Variants in NRXN3 observed in about 807,000 individuals in gnomAD.
NRXN3 encodes neurexin III.
In NRXN3, 32 loss-of-function variants were observed where a neutral mutation model predicts 137.6. The ratio of observed to expected loss-of-function variants is 0.23; its 90% CI spans 0.18 to 0.31. NRXN3 has a LOEUF of 0.31. Ranked by LOEUF, NRXN3 falls within the 10% of genes least tolerant of loss-of-function variation. The pLI is 1.00. For synonymous variants in NRXN3, 798 were observed against 784.5 expected (o/e 1.02, Z -0.29); for missense variants, 1,574 against 2,062.5 (o/e 0.76, Z 4.59).
At chr14:78,546,026 A>G (rs2096633733) in intron 4 of NRXN3, among the ~76,000 whole-genome samples, 1 of 152,194 alleles carries the variant, frequency 6.6e-6, no homozygotes, top group Admixed American at 6.5e-5. Flanking sequence ...ACCATGCACA[A>G]TGTTGCAATA....
intron 4 of NRXN3, among the ~76,000 whole-genome samples, chr14:78,495,861 A>G (rs771617968): frequency 6.6e-6 from 1 of 152,220 alleles, no homozygotes; most frequent in Admixed American, 6.5e-5. Flanking sequence ...CTTTTCCCAA[A>G]GAAATTTGCT....
intron 5 of NRXN3, among the ~76,000 whole-genome samples, chr14:78,646,827 C>T (rs146219705): frequency 2.3e-4 from 35 of 152,286 alleles, no homozygotes; most frequent in South Asian, 6.2e-4. Flanking sequence ...ATTCCTCATC[C>T]ATACTTACCC....
chr14:78,513,012 C>G (rs1037479375), intron 4 of NRXN3, among the ~76,000 whole-genome samples: 2 of 152,188 alleles, frequency 1.3e-5, no homozygotes, highest in African/African-American at 4.8e-5. Flanking sequence ...CATCTCATCC[C>G]AGAGCATTTG....
At chr14:79,376,700 CA>C (rs2094312632) in intron 15 of NRXN3, among the ~76,000 whole-genome samples, 1 of 152,048 alleles carries the variant, frequency 6.6e-6, no homozygotes, top group African/African-American at 2.4e-5. Context: ...TAACATGACC[CA>C]TGTATTAGAT....
intron 1 of NRXN3, among the ~76,000 whole-genome samples, chr14:78,224,668 T>C (rs1352147121): frequency 6.6e-6 from 1 of 151,764 alleles, no homozygotes; most frequent in African/African-American, 2.4e-5. Context: ...CTTAATCCAG[T>C]CTATCATTAT....
intron 8 of NRXN3, among the ~76,000 whole-genome samples, chr14:78,722,642 C>G (rs1313130749): frequency 8.5e-5 from 13 of 152,288 alleles, no homozygotes; most frequent in Admixed American, 8.5e-4. Flanking sequence ...AGTCATTTAA[C>G]CCTCACATCC....
At chr14:78,443,221 G>A (rs2094314396) in intron 4 of NRXN3, among the ~76,000 whole-genome samples, 1 of 152,230 alleles carries the variant, frequency 6.6e-6, no homozygotes, top group South Asian at 2.1e-4. Context: ...AAACTCAGCA[G>A]GGTTTGGTAG....
At chr14:79,010,300 T>A (rs917623092) in intron 15 of NRXN3, among the ~76,000 whole-genome samples, 1 of 152,154 alleles carries the variant, frequency 6.6e-6, no homozygotes, top group African/African-American at 2.4e-5. Context: ...TCTTTCTATG[T>A]TAGCTCAGGG....
chr14:79,420,782 T>C (rs1444029263), intron 15 of NRXN3, among the ~76,000 whole-genome samples: 1 of 152,190 alleles, frequency 6.6e-6, no homozygotes, highest in Non-Finnish European at 1.5e-5. Context: ...TACTCAGTTA[T>C]AAAAGGATGG....
chr14:79,230,399 A>T (rs1331155237), intron 15 of NRXN3, among the ~76,000 whole-genome samples: 1 of 152,158 alleles, frequency 6.6e-6, no homozygotes, highest in Non-Finnish European at 1.5e-5. Context: ...CAACATCAGC[A>T]TCTTACCTAC....
chr14:79,067,972 A>G (rs2099682851), intron 15 of NRXN3, among the ~76,000 whole-genome samples: 1 of 151,990 alleles, frequency 6.6e-6, no homozygotes, highest in Non-Finnish European at 1.5e-5. Context: ...TGAGGCTATG[A>G]ATATGTTGAA....
chr14:78,279,959 A>G (rs1023554516), intron 3 of NRXN3, among the ~76,000 whole-genome samples: 1 of 152,244 alleles, frequency 6.6e-6, no homozygotes, highest in African/African-American at 2.4e-5. Flanking sequence ...TACTTAATGC[A>G]GAGAGTTTCT....
chr14:78,455,347 G>A (rs2094666260), intron 4 of NRXN3, among the ~76,000 whole-genome samples: 2 of 152,220 alleles, frequency 1.3e-5, no homozygotes, highest in Non-Finnish European at 2.9e-5. Flanking sequence ...TGGAGAGGGA[G>A]GAGAAGACTC....
chr14:78,895,571 G>A (rs2099171088), intron 10 of NRXN3, among the ~76,000 whole-genome samples: 1 of 151,886 alleles, frequency 6.6e-6, no homozygotes, highest in Non-Finnish European at 1.5e-5. Flanking sequence ...GTGTTCACTG[G>A]AGTAGCACTT....
At chr14:79,495,366 T>G (rs964544528) in intron 16 of NRXN3, among the ~76,000 whole-genome samples, 5 of 152,182 alleles carry the variant, frequency 3.3e-5, no homozygotes, top group Admixed American at 6.5e-5. Context: ...TGAATTCAGG[T>G]TCTCAAAGCA....
At chr14:78,399,646 T>C (rs949439600) in intron 4 of NRXN3, among the ~76,000 whole-genome samples, 2 of 152,250 alleles carry the variant, frequency 1.3e-5, no homozygotes, top group Non-Finnish European at 2.9e-5. Context: ...AATGTCTAAC[T>C]GCTGCCTGGT....
intron 17 of NRXN3, among the ~76,000 whole-genome samples, chr14:79,681,641 G>A (rs543054284): frequency 6.6e-6 from 1 of 151,848 alleles, no homozygotes; most frequent in East Asian, 1.9e-4. Context: ...CAAGTCTCAC[G>A]GCCCACCCAG....
intron 15 of NRXN3, among the ~76,000 whole-genome samples, chr14:79,184,012 G>A (rs944324465): frequency 9.2e-5 from 14 of 152,124 alleles, no homozygotes; most frequent in African/African-American, 3.1e-4. Context: ...AGCCACAACA[G>A]CAGAGGTGGG....
intron 10 of NRXN3, among the ~76,000 whole-genome samples, chr14:78,870,231 A>G (rs1193123768): frequency 6.6e-6 from 1 of 152,220 alleles, no homozygotes; most frequent in African/African-American, 2.4e-5. Context: ...TAAAGTTTTG[A>G]TCAAGTAAAA....
Sources: allele counts gnomAD v4.1 joint callset (sites outside exome capture counted in the v4.1 genomes callset), GRCh38; gene constraint gnomAD v4.1.1; transcripts MANE v1.5; gene names NCBI Gene and HGNC (gene_info 2026-07-23, HGNC 2026-07-21).